ANKRD22: variants seen among roughly 807,000 people sequenced by gnomAD.
ANKRD22 encodes the protein ankyrin repeat domain-containing protein 22.
ANKRD22 carries 24 observed loss-of-function variants against 25.7 expected under a neutral mutation model. That is an observed-to-expected ratio of 0.93 (90% CI 0.68 to 1.31). ANKRD22 has a LOEUF of 1.31. Ranked by LOEUF, ANKRD22 falls within the 50% of genes most tolerant of loss-of-function variation. The pLI, the probability that ANKRD22 is intolerant of heterozygous loss-of-function variation, is 0.00. For synonymous variants in ANKRD22, 84 were observed against 84.3 expected (o/e 1.00, Z 0.02); for missense variants, 214 against 227.1 (o/e 0.94, Z 0.37).
At chr10:88,843,274 C>T (rs1036228312) in intron 1 of ANKRD22, among the ~76,000 whole-genome samples, 2 of 152,112 alleles carry the variant, frequency 1.3e-5, no homozygotes, top group Non-Finnish European at 2.9e-5. Flanking sequence ...TATATAGAAA[C>T]GGGAAGTCCT....
intron 1 of ANKRD22, among the ~76,000 whole-genome samples, chr10:88,850,223 C>T (rs780476920): frequency 1.3e-5 from 2 of 151,766 alleles, no homozygotes; most frequent in Non-Finnish European, 1.5e-5. Flanking sequence ...ATGAAAGGTC[C>T]TACTTCCAAC....
At chr10:88,840,986 C>T (rs1217649684) in intron 1 of ANKRD22, among the ~76,000 whole-genome samples, 1 of 152,126 alleles carries the variant, frequency 6.6e-6, no homozygotes, top group Non-Finnish European at 1.5e-5. Flanking sequence ...GTAGAGAAGT[C>T]ATAGTTCCTC....
chr10:88,841,002 C>T (rs1000145390), intron 1 of ANKRD22, among the ~76,000 whole-genome samples: 2 of 152,016 alleles, frequency 1.3e-5, no homozygotes, highest in Admixed American at 6.6e-5. Flanking sequence ...TCCTCATGAA[C>T]GATAGCAGAA....
chr10:88,839,369 A>C (rs1843983687), intron 1 of ANKRD22, among the ~76,000 whole-genome samples: 1 of 152,154 alleles, frequency 6.6e-6, no homozygotes, highest in Non-Finnish European at 1.5e-5. Context: ...TGGTTTTTAA[A>C]GTGCCCCTCA....
intron 1 of ANKRD22, among the ~76,000 whole-genome samples, chr10:88,848,148 G>A (rs867564679): frequency 2.1e-5 from 3 of 144,066 alleles, no homozygotes; most frequent in South Asian, 2.2e-4. Flanking sequence ...ACATATATGC[G>A]TGTATATATA....
rs1276236444 is a variant in ANKRD22, at chr10:88,822,896, CAGTCGTTAACTTTTTCTGT to C, written c.*26_*44del. The C allele has an allele frequency of 6.5e-7, 1 of 1,533,412 alleles. No homozygotes were observed. The highest frequency in any genetic ancestry group is 1.1e-5 in the South Asian group (1 of 88,016). The allele number at this position is 1,533,412 out of a possible 1,614,324, so 95.0% of individuals were successfully genotyped here. A position where few individuals can be genotyped will look rare whatever the true frequency, so the allele number is the denominator to read the frequency against. On this transcript the variant is annotated 3_prime_UTR_variant, in exon 6 of 6. Coordinates refer to ENST00000371930, the MANE Select transcript of ANKRD22 (RefSeq NM_144590.3). ...AAAAGTCTAAAATGAAGATAGAATC[CAGTCGTTAACTTTTTCTGT>C]ATCTCCATCGGTGTGGTCACAAGGA...
rs2133067508 is a variant in ANKRD22, at chr10:88,822,177, TAAAAAACA to T, written c.*756_*763del. 2.0e-5 allele frequency: 3 copies of T among 152,142 alleles called. No homozygotes were observed. The South Asian group carries it at 6.2e-4, about 32-fold the overall frequency. 9.4% of individuals were successfully genotyped at this position (152,142 alleles called of 1,614,324 possible). ...GCTGGTAAACGAACTTTATGGAAAG[TAAAAAACA>T]AAAAAACAAAAACAAACTCTGATTT... On this transcript the variant is annotated 3_prime_UTR_variant, in exon 6 of 6. Transcript: ENST00000371930.
In ANKRD22 at chr10:88,820,383, C is replaced by T; in HGVS notation, c.*2558G>A. 1 of 1,552,282 alleles carries T rather than the reference C, an allele frequency of 6.4e-7. No homozygotes were observed. Among genetic ancestry groups the T allele is most frequent in the Non-Finnish European group, 8.7e-7 (1 of 1,147,122 alleles). On this transcript the variant is annotated 3_prime_UTR_variant, in exon 6 of 6. Coordinates refer to ENST00000371930, the MANE Select transcript of ANKRD22 (RefSeq NM_144590.3). ...TACCATAAGAATATTCCTGAATGGG[C>T]TCACGTGGATTTCATCTGGGGTTTG...
intron 1 of ANKRD22, among the ~76,000 whole-genome samples, chr10:88,842,373 T>G (rs1440708288): frequency 6.6e-6 from 1 of 152,158 alleles, no homozygotes; most frequent in Non-Finnish European, 1.5e-5. Flanking sequence ...TACTCTGGTC[T>G]ATCTAACTCC....
In ANKRD22 at chr10:88,822,908, T is replaced by C. The variant is rs201401077; in HGVS notation, c.*33A>G. The C allele has an allele frequency of 1.8e-5, 28 of 1,578,550 alleles. No individual in the cohort carries two copies. Among genetic ancestry groups the C allele is most frequent in the Non-Finnish European group, 8.7e-7 (1 of 1,150,434 alleles). ...TGAAGATAGAATCCAGTCGTTAACTTTTTCTGTATCTCCATCGGTGTGGTC... is the reference window on the plus strand; with the variant it reads ...TGAAGATAGAATCCAGTCGTTAACTCTTTCTGTATCTCCATCGGTGTGGTC... On this transcript the variant is annotated 3_prime_UTR_variant, in exon 6 of 6. Transcript: ENST00000371930.
At chr10:88,830,959 C>CA (rs1843897829) in intron 2 of ANKRD22, among the ~76,000 whole-genome samples, 1 of 152,092 alleles carries the variant, frequency 6.6e-6, no homozygotes, top group Non-Finnish European at 1.5e-5. Flanking sequence ...GCAACCAAAC[C>CA]AAAAATAGTA....
chr10:88,842,164 A>G (rs1478046998), intron 1 of ANKRD22, among the ~76,000 whole-genome samples: 2 of 152,180 alleles, frequency 1.3e-5, no homozygotes, highest in East Asian at 1.9e-4. Context: ...ATAAAAAATA[A>G]CAGTAAAAAG....
Position 88,820,660 on chromosome 10 carries a change from TTAAAG to T in ANKRD22, c.*2276_*2280del, listed in dbSNP as rs1331709928. ...TACATTTACATTTTTTTTCTGTAAA[TTAAAG>T]TACTTATTAGGTAAATAGAGGTTTT... On this transcript the variant is annotated 3_prime_UTR_variant, in exon 6 of 6. Transcript: ENST00000371930. 4.4e-6 allele frequency: 3 copies of T among 686,520 alleles called. No homozygotes were observed. Among genetic ancestry groups the T allele is most frequent in the African/African-American group, 3.6e-5 (2 of 55,510 alleles). The allele number at this position is 686,520 out of a possible 1,614,324, so 42.5% of individuals were successfully genotyped here.
intron 1 of ANKRD22, among the ~76,000 whole-genome samples, chr10:88,850,945 T>C (rs1255009520): frequency 6.6e-6 from 1 of 152,198 alleles, no homozygotes; most frequent in Non-Finnish European, 1.5e-5. Flanking sequence ...ACACCTCTTG[T>C]ACTCTTGTCT....
chr10:88,825,573 T>C (rs989853491), intron 4 of ANKRD22, among the ~76,000 whole-genome samples: 15 of 152,238 alleles, frequency 9.9e-5, no homozygotes, highest in Non-Finnish European at 1.8e-4. Context: ...ATTCTGAGCA[T>C]GTGCTAAGTG....
At chr10:88,847,975 T>A (rs1844067297) in intron 1 of ANKRD22, among the ~76,000 whole-genome samples, 1 of 151,822 alleles carries the variant, frequency 6.6e-6, no homozygotes, top group South Asian at 2.1e-4. Flanking sequence ...AAATTCTTTT[T>A]TCTCTTGTTA....
chr10:88,840,649 G>A (rs1197757534), intron 1 of ANKRD22, among the ~76,000 whole-genome samples: 11 of 152,258 alleles, frequency 7.2e-5, no homozygotes, highest in Middle Eastern at 6.8e-3. Flanking sequence ...GGATTTGTAG[G>A]TTTTGGAGCA....
In ANKRD22 at chr10:88,820,596, T is replaced by C; in HGVS notation, c.*2345A>G. The stretch of plus-strand genomic sequence containing the variant: ...ACGGAGAGCAGAGACCTAGTATACA[T>C]TTTTCAGATTCCCTGCACTTGGCAC... On this transcript the variant is annotated 3_prime_UTR_variant, in exon 6 of 6. Coordinates refer to ENST00000371930, the MANE Select transcript of ANKRD22 (RefSeq NM_144590.3). The C allele has an allele frequency of 8.1e-7, 1 of 1,237,396 alleles. No homozygotes were observed. The highest frequency in any genetic ancestry group is 1.1e-6 in the Non-Finnish European group (1 of 916,934). 76.7% of individuals were successfully genotyped at this position (1,237,396 alleles called of 1,614,324 possible).
intron 4 of ANKRD22, among the ~76,000 whole-genome samples, chr10:88,825,207 A>G (rs1843844899): frequency 6.6e-6 from 1 of 152,360 alleles, no homozygotes; most frequent in East Asian, 1.9e-4. Flanking sequence ...GAATGTTAGT[A>G]TTTTGGAATC....
Sources: gnomAD v4.1 joint callset for allele counts (sites outside exome capture counted in the v4.1 genomes callset) on GRCh38, gnomAD v4.1.1 for gene constraint, MANE v1.5 for transcripts, NCBI Gene and HGNC (gene_info 2026-07-23, HGNC 2026-07-21) for gene names.